The following IQCH variants were observed in gnomAD, a reference collection of about 807,000 sequenced individuals.
The protein encoded by IQCH is IQ domain-containing protein H.
In IQCH, 98 loss-of-function variants were observed where a neutral mutation model predicts 117.0. The observed-to-expected ratio is 0.84, with a 90% confidence interval of 0.71 to 0.99. IQCH has a LOEUF of 0.99. IQCH is among the 50% of genes least tolerant of loss of function. The pLI is 0.00. For synonymous variants in IQCH, 412 were observed against 448.2 expected, an observed-to-expected ratio of 0.92 and a Z score of 1.02; for missense variants, 1,102 against 1,243.8, an observed-to-expected ratio of 0.89 and a Z score of 1.72.
At position 67,410,631 on chromosome 15, in the gene IQCH, G is replaced by A. The variant is rs138723742; in HGVS notation, c.2098-6300G>A. Among the ~76,000 whole-genome samples, 435 of 152,284 alleles carry A rather than the reference G, an allele frequency of 2.9e-3. 1 individual carries two copies. The highest frequency in any genetic ancestry group is 6.8e-3 in the Middle Eastern group (2 of 294). On this transcript the variant is annotated intron_variant, in intron 14 of 20. Coordinates refer to ENST00000335894, the MANE Select transcript of IQCH (RefSeq NM_001031715.3). ...GCCAGGATGTGGCTTTGCTCATCAG[G>A]GCCAATCCTTGCAGCTGAGTTGGGG...
rs757260377 is a variant in IQCH at position 67,342,671 on chromosome 15, G to C, written c.509-1392G>C. Among the ~76,000 whole-genome samples, 7 of 152,084 alleles carry C rather than the reference G, an allele frequency of 4.6e-5. No homozygotes were observed. The highest frequency in any genetic ancestry group is 8.8e-5 in the Non-Finnish European group (6 of 68,008). Reference sequence around the variant, plus strand: ...TTAGTCTTACAAGATTTTTAAAGTAGTTCAATCTAGTGTTATAAAAATTAA... The same window carrying C: ...TTAGTCTTACAAGATTTTTAAAGTACTTCAATCTAGTGTTATAAAAATTAA... On this transcript the variant is annotated intron_variant, in intron 5 of 20. Coordinates refer to ENST00000335894, the MANE Select transcript of IQCH (RefSeq NM_001031715.3). The surrounding 1 kb of genome is among the most constrained non-coding windows in gnomAD (Gnocchi z 4.7).
At position 67,475,942 on chromosome 15, in the gene IQCH, G is replaced by A. The variant is rs1415364103; in HGVS notation, c.2799+124G>A. On this transcript the variant is annotated intron_variant, in intron 18 of 20. Transcript: ENST00000335894. This position sits in a 1 kb window ranked among gnomAD's most constrained non-coding sequence, Gnocchi z 5.7. ...AATACCGGTTTGACGTGTCTGTAGA[G>A]GAAGGCTGATTGCTGCTTGGGGAAG... 3 of 820,020 alleles carry A rather than the reference G, an allele frequency of 3.7e-6. No individual in the cohort carries two copies. Among genetic ancestry groups the A allele is most frequent in the Non-Finnish European group, 5.8e-6 (3 of 520,208 alleles). 50.8% of individuals were successfully genotyped at this position (820,020 alleles called of 1,614,324 possible). A position where few individuals can be genotyped will look rare whatever the true frequency, so the allele number is the denominator to read the frequency against.
rs1032780319 is a variant in IQCH, at chr15:67,500,097, G to T, written c.2971-536G>T. On this transcript the variant is annotated intron_variant, in intron 20 of 20. Transcript: ENST00000335894. The surrounding 1 kb of genome is among the most constrained non-coding windows in gnomAD (Gnocchi z 4.4). ...ACCACTGAATTGTATACTTTATAAG[G>T]GTGAATTTTATGGTATGGGAATTGT... Among the ~76,000 whole-genome samples, 1 of 152,056 alleles carries T rather than the reference G, an allele frequency of 6.6e-6. No individual in the cohort carries two copies. Among genetic ancestry groups the T allele is most frequent in the Admixed American group, 6.6e-5 (1 of 15,250 alleles).
Position 67,359,193 on chromosome 15 carries a change from T to C in IQCH, c.715-654T>C, listed in dbSNP as rs1970032806. 6.6e-6 allele frequency among the ~76,000 whole-genome samples: 1 copy of C among 152,200 alleles called. No individual in the cohort carries two copies. Among genetic ancestry groups the C allele is most frequent in the Non-Finnish European group, 1.5e-5 (1 of 68,030 alleles). On this transcript the variant is annotated intron_variant, in intron 7 of 20. Transcript: ENST00000335894. The surrounding 1 kb of genome is among the most constrained non-coding windows in gnomAD (Gnocchi z 4.5). The stretch of plus-strand genomic sequence containing the variant: ...GTTTTATAGATAACAGATCTACAGG[T>C]AATACAAATATTATGACTAGGTTTT...
At position 67,391,421 on chromosome 15, in the gene IQCH, A is replaced by AT. The variant is rs1479659095; in HGVS notation, c.1632+2421dup. ...TTTCATTTAAATGGATGGCTATGAG[A>AT]TTTTTTAAAGCATGCCAAAAATCTG... is the stretch of plus-strand genomic sequence containing the variant. On this transcript the variant is annotated intron_variant, in intron 12 of 20. Coordinates refer to ENST00000335894, the MANE Select transcript of IQCH (RefSeq NM_001031715.3). This position sits in a 1 kb window ranked among gnomAD's most constrained non-coding sequence, Gnocchi z 4.3. Among the ~76,000 whole-genome samples the AT allele has an allele frequency of 6.6e-6, 1 of 152,150 alleles. No individual in the cohort carries two copies. Among genetic ancestry groups the AT allele is most frequent in the African/African-American group, 2.4e-5 (1 of 41,410 alleles).
intron 4 of IQCH, among the ~76,000 whole-genome samples, chr15:67,318,092 G>A (rs1967934471): frequency 6.6e-6 from 1 of 152,088 alleles, no homozygotes; most frequent in Admixed American, 6.5e-5. Context: ...AAATACAAGG[G>A]TTGAAAGATA....
At position 67,416,522 on chromosome 15, in the gene IQCH, AAAAAAAG is replaced by A. The variant is rs1025662012; in HGVS notation, c.2098-402_2098-396del. Reference sequence around the variant, plus strand: ...ACAAGAGCAAAACTGCGTCTCAAAAAAAAAAAGAAAAAACAAAAAACAAAAACAAAAA... The same window carrying A: ...ACAAGAGCAAAACTGCGTCTCAAAAAAAAAAACAAAAAACAAAAACAAAAA... On this transcript the variant is annotated intron_variant, in intron 14 of 20. Transcript: ENST00000335894. The surrounding 1 kb of genome is among the most constrained non-coding windows in gnomAD (Gnocchi z 5.1). 6.6e-6 allele frequency among the ~76,000 whole-genome samples: 1 copy of A among 151,990 alleles called. No individual in the cohort carries two copies. The highest frequency in any genetic ancestry group is 2.4e-5 in the African/African-American group (1 of 41,390).
At chr15:67,289,637 T>C (rs1162601506) in intron 4 of IQCH, among the ~76,000 whole-genome samples, 2 of 152,114 alleles carry the variant, frequency 1.3e-5, no homozygotes, top group Non-Finnish European at 2.9e-5. Context: ...TTGTGGACCC[T>C]TCCAAGAGGA....
rs555283234 is a variant in IQCH, at chr15:67,474,740, G to C, written c.2677-956G>C. Among the ~76,000 whole-genome samples the C allele has an allele frequency of 1.3e-5, 2 of 152,304 alleles. No homozygotes were observed. Among genetic ancestry groups the C allele is most frequent in the East Asian group, 1.9e-4 (1 of 5,184 alleles). ...GCTGCCAAAGGTTAAAGTATGGGAA[G>C]AGTGGGAAAATATCTTTACAGCAGA... is the stretch of plus-strand genomic sequence containing the variant. On this transcript the variant is annotated intron_variant, in intron 17 of 20. Coordinates refer to ENST00000335894, the MANE Select transcript of IQCH (RefSeq NM_001031715.3). This position sits in a 1 kb window ranked among gnomAD's most constrained non-coding sequence, Gnocchi z 4.1.
intron 6 of IQCH, among the ~76,000 whole-genome samples, chr15:67,354,167 C>G (rs560242228): frequency 6.6e-6 from 1 of 151,950 alleles, no homozygotes; most frequent in East Asian, 1.9e-4. Context: ...AAGCACAGTA[C>G]AAGAAAAAAT....
rs761525823 is a variant in IQCH, at chr15:67,475,809, T to C, written c.2790T>C (p.Tyr930=). ...TCTGTAGGGCCCATGGCATTGGCTATGATGTTGAGGTATGAAGGGTTACAG... is the reference window on the plus strand; with the variant it reads ...TCTGTAGGGCCCATGGCATTGGCTACGATGTTGAGGTATGAAGGGTTACAG... ...LQICRAHGIG[Y]DVEERQGTVF... The change falls in exon 18 of 21, where the codon TAT becomes TAC. Residue 930 remains tyrosine (Y), a synonymous_variant. Coordinates refer to ENST00000335894, the MANE Select transcript of IQCH (RefSeq NM_001031715.3). This position sits in a 1 kb window ranked among gnomAD's most constrained non-coding sequence, Gnocchi z 5.7. The C allele has an allele frequency of 1.9e-6, 3 of 1,614,070 alleles. No homozygotes were observed. In the East Asian group the frequency reaches 6.7e-5, roughly 36 times the overall value.
Position 67,381,376 on chromosome 15 carries a change from G to T in IQCH, c.1373-3560G>T, listed in dbSNP as rs968147470. Among the ~76,000 whole-genome samples the T allele has an allele frequency of 6.6e-6, 1 of 152,188 alleles. No individual in the cohort carries two copies. Among genetic ancestry groups the T allele is most frequent in the East Asian group, 1.9e-4 (1 of 5,196 alleles). On this transcript the variant is annotated intron_variant, in intron 10 of 20. Transcript: ENST00000335894. This position sits in a 1 kb window ranked among gnomAD's most constrained non-coding sequence, Gnocchi z 5.1. ...CAGCTCTCAGGTAAGCTTCTTTGAT[G>T]TAGAGACAATAATATTTCACAACTG...
At position 67,254,834 on chromosome 15, in the gene IQCH, G is replaced by C. The variant is rs975537183; in HGVS notation, c.-63G>C. On this transcript the variant is annotated 5_prime_UTR_variant, in exon 1 of 21. Coordinates refer to ENST00000335894, the MANE Select transcript of IQCH (RefSeq NM_001031715.3). ...TGTTGCCATGGGGACGAGCGGCTCC[G>C]GCTGAAGGTTTCCGTGCTTGGAAAC... 3.2e-6 allele frequency: 5 copies of C among 1,548,934 alleles called. No homozygotes were observed. The highest frequency in any genetic ancestry group is 2.4e-5 in the East Asian group (1 of 42,418).
chr15:67,411,045 CT>C lies in IQCH; in HGVS notation c.2098-5885del, dbSNP rs2081437309. Among the ~76,000 whole-genome samples, 1 of 152,170 alleles carries C rather than the reference CT, an allele frequency of 6.6e-6. No homozygotes were observed. The highest frequency in any genetic ancestry group is 2.4e-5 in the African/African-American group (1 of 41,436). ...ACCCCCACCCCACCCCTGCACATGC[CT>C]ACCATATGGTGAGCTTTTAATTATT... On this transcript the variant is annotated intron_variant, in intron 14 of 20. Transcript: ENST00000335894. The surrounding 1 kb of genome is among the most constrained non-coding windows in gnomAD (Gnocchi z 4.4).
At chr15:67,499,413 A>C (rs1409712927) in intron 20 of IQCH, among the ~76,000 whole-genome samples, 2 of 151,290 alleles carry the variant, frequency 1.3e-5, no homozygotes, top group Non-Finnish European at 3.0e-5. Context: ...GAAACATTTC[A>C]TACCTAATAA....
Position 67,300,778 on chromosome 15 carries a change from T to C in IQCH, c.387+21266T>C, listed in dbSNP as rs550278523. On this transcript the variant is annotated intron_variant, in intron 4 of 20. Transcript: ENST00000335894. ...CTGGCATTACACACTGCCTAGTGTT[T>C]TTAATTCAGAAGTTGTTCTAAAAGA... Among the ~76,000 whole-genome samples the C allele has an allele frequency of 3.3e-5, 5 of 152,312 alleles. No individual in the cohort carries two copies. In the South Asian group the frequency reaches 1.0e-3, roughly 32 times the overall value.
At chr15:67,296,817 C>T (rs1010132457) in intron 4 of IQCH, among the ~76,000 whole-genome samples, 3 of 152,138 alleles carry the variant, frequency 2.0e-5, no homozygotes, top group Non-Finnish European at 2.9e-5. Context: ...AACCAATTAT[C>T]CTCACTGGCA....
intron 6 of IQCH, among the ~76,000 whole-genome samples, chr15:67,352,897 C>T (rs977655601): frequency 1.1e-4 from 17 of 152,202 alleles, no homozygotes; most frequent in African/African-American, 4.1e-4. Flanking sequence ...AGGAACATTC[C>T]AGTACTTTGG....
In IQCH at chr15:67,490,337, C is replaced by T. The variant is rs548029075; in HGVS notation, c.2861+273C>T. On this transcript the variant is annotated intron_variant, in intron 19 of 20. Transcript: ENST00000335894. This position sits in a 1 kb window ranked among gnomAD's most constrained non-coding sequence, Gnocchi z 4.9. ...TCTCCTGCCTCAGCCTCCCAAGTAG[C>T]TGGGATTACAGGTGCGTGCCACCAT... Among the ~76,000 whole-genome samples, 1 of 152,242 alleles carries T rather than the reference C, an allele frequency of 6.6e-6. No homozygotes were observed. Among genetic ancestry groups the T allele is most frequent in the South Asian group, 2.1e-4 (1 of 4,814 alleles).
Sources: gnomAD v4.1 joint callset for allele counts (sites outside exome capture counted in the v4.1 genomes callset) on GRCh38, gnomAD v4.1.1 for gene constraint, Gnocchi (gnomAD v3.1) non-coding constraint, MANE v1.5 for transcripts, NCBI Gene and HGNC (gene_info 2026-07-23, HGNC 2026-07-21) for gene names.